PIWIL1: variants seen among roughly 807,000 people sequenced by gnomAD.
PIWIL1 encodes the protein piwi-like protein 1.
PIWIL1 carries 73 observed loss-of-function variants against 114.4 expected under a neutral mutation model. The ratio of observed to expected loss-of-function variants is 0.64; its 90% CI spans 0.53 to 0.78. The LOEUF (loss-of-function observed/expected upper bound fraction) is 0.78, where lower values mean the gene tolerates loss of function less well. PIWIL1 is among the 30% of genes least tolerant of loss of function. The probability of loss-of-function intolerance (pLI) is 0.00; values close to 1 mark genes in which losing one functional copy is unlikely to be tolerated. For missense variants in PIWIL1, 723 were observed against 1,063.1 expected (o/e 0.68, Z 4.45); for synonymous variants, 375 against 369.0 (o/e 1.02, Z -0.19).
the PIWIL1 span, chr12:130,419,495 A>T: frequency 6.6e-6 from 1 of 152,234 alleles, no homozygotes; most frequent in Non-Finnish European, 1.5e-5. This position sits in a 1 kb window ranked among gnomAD's most constrained non-coding sequence, Gnocchi z 4.3. Context: ...ATTTCTATGG[A>T]GATAAAGGGA....
At chr12:130,339,216 G>A (rs898366499) in intron 1 of PIWIL1, among the ~76,000 whole-genome samples, 2 of 152,142 alleles carry the variant, frequency 1.3e-5, no homozygotes, top group Non-Finnish European at 2.9e-5. Flanking sequence ...GGTCCTCGCG[G>A]GTGCTGGCGG....
At chr12:130,340,971 C>A (rs1166127620) in intron 1 of PIWIL1, among the ~76,000 whole-genome samples, 1 of 152,042 alleles carries the variant, frequency 6.6e-6, no homozygotes, top group Non-Finnish European at 1.5e-5. Flanking sequence ...AATAGGAAGT[C>A]GGAGGTTTTT....
At chr12:130,399,398 T>A in the PIWIL1 span, among the ~76,000 whole-genome samples, 1 of 152,190 alleles carries the variant, frequency 6.6e-6, no homozygotes, top group Non-Finnish European at 1.5e-5. Context: ...TCACTCTTGA[T>A]CAAACTGAAA....
the PIWIL1 span, chr12:130,397,285 T>A: frequency 2.5e-6 from 1 of 397,490 alleles, no homozygotes; most frequent in Non-Finnish European, 4.4e-6. Context: ...TTTTAGGAAG[T>A]ACTTGAGTCA....
At chr12:130,372,681 A>T (rs1044214959), downstream of PIWIL1, 1 of 149,944 alleles carries the variant, frequency 6.7e-6, no homozygotes, top group African/African-American at 2.4e-5. Context: ...TCAGAGTAAA[A>T]TTTTTTAAGG....
Position 130,354,917 on chromosome 12 carries a change from A to C in PIWIL1, c.1201A>C (p.Asn401His), listed in dbSNP as rs1232661965. 5 of 1,613,552 alleles carry C rather than the reference A, an allele frequency of 3.1e-6. No individual in the cohort carries two copies. In the South Asian group the frequency reaches 5.5e-5, roughly 18 times the overall value. Reference sequence around the variant, plus strand: ...AACTGATAAAATGCGTAATGATTTTAACGTGATGAAAGACTTAGCCGTTCA... The same window carrying C: ...AACTGATAAAATGCGTAATGATTTTCACGTGATGAAAGACTTAGCCGTTCA... ...GLTDKMRNDFNVMKDLAVHTR... is the reference protein window; with the variant it reads ...GLTDKMRNDFHVMKDLAVHTR... Residue 401 changes from asparagine (N) to histidine (H), a missense_variant, in exon 11 of 21, where the codon AAC becomes CAC. This residue lies in a region of PIWIL1 where 298 missense variants were observed against 420.8 expected (regional missense o/e 0.71). Coordinates refer to ENST00000245255, the MANE Select transcript of PIWIL1 (RefSeq NM_004764.5).
At chr12:130,357,386 A>G in intron 13 of PIWIL1, 95 bp from the exon 14 acceptor site, 2 of 898,790 alleles carry the variant, frequency 2.2e-6, no homozygotes, top group Non-Finnish European at 3.5e-6. Flanking sequence ...CATGTTTTAT[A>G]CGGAAACGTT....
At chr12:130,418,738 C>T in the PIWIL1 span, among the ~76,000 whole-genome samples, 1 of 152,116 alleles carries the variant, frequency 6.6e-6, no homozygotes, top group African/African-American at 2.4e-5. Flanking sequence ...TCTTTCAGGT[C>T]CCTCCTATAG....
intron 14 of PIWIL1, among the ~76,000 whole-genome samples, chr12:130,358,860 A>G (rs1431729278): frequency 6.6e-6 from 1 of 152,078 alleles, no homozygotes; most frequent in Non-Finnish European, 1.5e-5. Flanking sequence ...AGGGCCTTCT[A>G]TATTCCAGGC....
chr12:130,345,825 A>G lies in PIWIL1; in HGVS notation c.263A>G (p.Asp88Gly). ...ERGGRRRDFH[D>G]LGVNTRQNLD... ...GGAGGTCGTCGTAGAGATTTTCATG[A>G]TCTTGGTGTGAATACAAGGCAGAAC... Residue 88 changes from aspartate (D) to glycine (G), a missense_variant, in exon 4 of 21, where the codon GAT becomes GGT. Physicochemically the swap from Asp to Gly is moderately conservative, Grantham distance 94. Coordinates refer to ENST00000245255, the MANE Select transcript of PIWIL1 (RefSeq NM_004764.5). 2 of 1,613,944 alleles carry G rather than the reference A, an allele frequency of 1.2e-6. No individual in the cohort carries two copies. Among genetic ancestry groups the G allele is most frequent in the Non-Finnish European group, 1.7e-6 (2 of 1,179,884 alleles).
At chr12:130,418,967 G>A in the PIWIL1 span, among the ~76,000 whole-genome samples, 5 of 152,308 alleles carry the variant, frequency 3.3e-5, no homozygotes, top group South Asian at 1.0e-3. Flanking sequence ...GTTGTTTTGG[G>A]GGGAAGACAG....
intron 5 of PIWIL1, 60 bp from the exon 6 acceptor site, chr12:130,346,881 A>AT: frequency 1.3e-6 from 2 of 1,572,574 alleles, no homozygotes; most frequent in Non-Finnish European, 1.7e-6. Flanking sequence ...GCAGTATGTG[A>AT]TTGGGCATAA....
chr12:130,346,901 A>G, intron 5 of PIWIL1, 40 bp from the exon 6 acceptor site: 1 of 1,596,160 alleles, frequency 6.3e-7, no homozygotes, highest in Middle Eastern at 1.7e-4. Context: ...ATTGTCCTTT[A>G]AGGATTTAAA....
chr12:130,402,527 A>G, the PIWIL1 span, among the ~76,000 whole-genome samples: 1 of 152,112 alleles, frequency 6.6e-6, no homozygotes, highest in Admixed American at 6.5e-5. Flanking sequence ...AAAGTGTACC[A>G]TCAAAACCCT....
At chr12:130,406,196 T>G in the PIWIL1 span, 2 of 1,598,766 alleles carry the variant, frequency 1.3e-6, no homozygotes, top group African/African-American at 2.7e-5. Flanking sequence ...CTTCATCAAT[T>G]TCACCAAAAA....
At chr12:130,424,418 C>T in the PIWIL1 span, 1 of 1,232,766 alleles carries the variant, frequency 8.1e-7, no homozygotes, top group East Asian at 3.2e-5. The surrounding 1 kb of genome is among the most constrained non-coding windows in gnomAD (Gnocchi z 9.8). Flanking sequence ...TCGGGCCCCT[C>T]CTGCAGGGAC....
At chr12:130,358,642 C>A (rs1349217118) in intron 14 of PIWIL1, among the ~76,000 whole-genome samples, 4 of 152,124 alleles carry the variant, frequency 2.6e-5, no homozygotes, top group Non-Finnish European at 5.9e-5. Context: ...TCTTCATTTT[C>A]CCAATCCCAT....
At chr12:130,341,300 C>A (rs1176175141) in intron 1 of PIWIL1, among the ~76,000 whole-genome samples, 1 of 152,168 alleles carries the variant, frequency 6.6e-6, no homozygotes, top group Non-Finnish European at 1.5e-5. Flanking sequence ...GGGTTGTTAC[C>A]GTTTGTGTGA....
chr12:130,415,266 T>C, the PIWIL1 span, among the ~76,000 whole-genome samples: 14,615 of 152,250 alleles, frequency 0.096, 802 homozygotes, highest in South Asian at 0.2. Context: ...TCAATAAATA[T>C]GATTCACCAC....
Sources: allele counts gnomAD v4.1 joint callset (sites outside exome capture counted in the v4.1 genomes callset), GRCh38; gene constraint gnomAD v4.1.1; regional missense constraint gnomAD v4.1.1; non-coding constraint Gnocchi (gnomAD v3.1); transcripts MANE v1.5; gene names NCBI Gene and HGNC (gene_info 2026-07-23, HGNC 2026-07-21).